Variants in TRPM3 observed in about 807,000 individuals in gnomAD.
TRPM3 encodes transient receptor potential cation channel subfamily M member 3, also known as long transient receptor potential channel 3.
TRPM3 carries 77 observed loss-of-function variants against 181.2 expected under a neutral mutation model. The observed-to-expected ratio is 0.42, with a 90% confidence interval of 0.35 to 0.51. TRPM3 has a LOEUF of 0.51. TRPM3 is among the 20% of genes least tolerant of loss of function. The pLI, the probability that TRPM3 is intolerant of heterozygous loss-of-function variation, is 0.01. For synonymous variants in TRPM3, 745 were observed against 796.4 expected (o/e 0.94, Z 1.09); for missense variants, 1,759 against 2,196.7 (o/e 0.80, Z 3.98).
At chr9:71,387,754 T>G (rs1014744651) in intron 1 of TRPM3, among the ~76,000 whole-genome samples, 1 of 152,144 alleles carries the variant, frequency 6.6e-6, no homozygotes, top group Non-Finnish European at 1.5e-5. Context: ...CATTATTAGT[T>G]AATTTTACTG....
chr9:71,241,390 G>A (rs1302923451), intron 1 of TRPM3, among the ~76,000 whole-genome samples: 2 of 150,384 alleles, frequency 1.3e-5, no homozygotes, highest in East Asian at 2.0e-4. Flanking sequence ...GCAAACTATC[G>A]CAAGGACAAA....
chr9:71,410,470 CT>C (rs1565545376), intron 1 of TRPM3, among the ~76,000 whole-genome samples: 1 of 152,096 alleles, frequency 6.6e-6, no homozygotes, highest in Non-Finnish European at 1.5e-5. Flanking sequence ...TCAGAGAATA[CT>C]ATAAACACCT....
chr9:71,424,252 T>G (rs2093825021), intron 1 of TRPM3, among the ~76,000 whole-genome samples: 1 of 152,166 alleles, frequency 6.6e-6, no homozygotes, highest in Non-Finnish European at 1.5e-5. Flanking sequence ...TGTTTACATA[T>G]AGGTCAGGAA....
intron 1 of TRPM3, among the ~76,000 whole-genome samples, chr9:71,067,094 T>C (rs931213708): frequency 2.0e-5 from 3 of 152,088 alleles, no homozygotes; most frequent in African/African-American, 7.2e-5. Flanking sequence ...ACTCCAACGA[T>C]AGGCAAGAAT....
chr9:71,331,453 C>T (rs1029215861), intron 1 of TRPM3, among the ~76,000 whole-genome samples: 6 of 151,722 alleles, frequency 4.0e-5, no homozygotes, highest in African/African-American at 1.5e-4. Context: ...ACATAGTTGC[C>T]TCATTTCTCA....
rs535269785 is a variant in TRPM3 at position 70,894,929 on chromosome 9, T to C, written c.178-30418A>G. Among the ~76,000 whole-genome samples, 12 of 152,218 alleles carry C rather than the reference T, an allele frequency of 7.9e-5. No individual in the cohort carries two copies. In the South Asian group the frequency reaches 2.1e-3, roughly 26 times the overall value. ...TTGTGAATAGAAAATGGGAAAAAAG[T>C]TTTGCCGTCAGACAACTTTGGCTTG... On this transcript the variant is annotated intron_variant, in intron 1 of 25. Coordinates refer to ENST00000677713, the MANE Select transcript of TRPM3 (RefSeq NM_001366145.2).
chr9:71,021,154 T>C (rs544523490), intron 1 of TRPM3, among the ~76,000 whole-genome samples: 1 of 152,272 alleles, frequency 6.6e-6, no homozygotes, highest in East Asian at 1.9e-4. Context: ...TCTCAATTTA[T>C]ATAAAGTTCA....
chr9:71,168,498 C>T (rs73467746), intron 1 of TRPM3, among the ~76,000 whole-genome samples: 30,705 of 131,386 alleles, frequency 0.23, 4,064 homozygotes, highest in African/African-American at 0.33. Flanking sequence ...CTTCTTTAGC[C>T]CTGACATTTT....
chr9:71,002,259 G>A (rs2097613149), intron 1 of TRPM3, among the ~76,000 whole-genome samples: 1 of 152,190 alleles, frequency 6.6e-6, no homozygotes, highest in Non-Finnish European at 1.5e-5. Flanking sequence ...CATCATGGAA[G>A]CATAACCTGA....
intron 1 of TRPM3, among the ~76,000 whole-genome samples, chr9:70,956,281 C>T (rs1420227294): frequency 7.1e-6 from 1 of 140,230 alleles, no homozygotes; most frequent in East Asian, 2.2e-4. Context: ...CTCATCTCTA[C>T]CAGGAGAAAT....
In TRPM3 at chr9:70,786,311, CAAAAAAA is replaced by C. The variant is rs71367227; in HGVS notation, c.974-2039_974-2033del. ...GAAACCCTGTCACTACTAAAAATAC[CAAAAAAA>C]AAAAAAAAAAAAAAAAATTAGCTGG... On this transcript the variant is annotated intron_variant, in intron 6 of 25. Coordinates refer to ENST00000677713, the MANE Select transcript of TRPM3 (RefSeq NM_001366145.2). Among the ~76,000 whole-genome samples the C allele has an allele frequency of 5.9e-4, 32 of 54,464 alleles. 2 individuals carry two copies. The Admixed American group carries it at 7.6e-3, about 13-fold the overall frequency. The allele number at this position is 54,464 out of a possible 152,430, so 35.7% of individuals were successfully genotyped here.
chr9:71,171,986 C>A (rs1293139687), intron 1 of TRPM3, among the ~76,000 whole-genome samples: 3 of 152,084 alleles, frequency 2.0e-5, no homozygotes, highest in African/African-American at 7.2e-5. Flanking sequence ...GCAGCATCAA[C>A]CTCCTGGGCT....
At chr9:70,974,698 C>T (rs917896188) in intron 1 of TRPM3, among the ~76,000 whole-genome samples, 4 of 151,700 alleles carry the variant, frequency 2.6e-5, no homozygotes, top group African/African-American at 4.8e-5. Context: ...GACTGCACTC[C>T]AGTCTGGGTG....
In TRPM3 at chr9:71,420,797, A is replaced by AAGAGAG. The variant is rs1267946876; in HGVS notation, c.183+25855_183+25856insCTCTCT. Among the ~76,000 whole-genome samples, 41 of 7,116 alleles carry AAGAGAG rather than the reference A, an allele frequency of 5.8e-3. 5 individuals are homozygous for AAGAGAG. The highest frequency in any genetic ancestry group is 0.015 in the African/African-American group (26 of 1,706). 4.7% of individuals were successfully genotyped at this position (7,116 alleles called of 152,430 possible). A position where few individuals can be genotyped will look rare whatever the true frequency, so the allele number is the denominator to read the frequency against. ...AGAGAAAGAGAGAGAAAGAGAGAGA[A>AAGAGAG]AGAAAGAGAGAAAGAAAGAGAGAAA... On this transcript the variant is annotated intron_variant, in intron 1 of 24. Coordinates refer to the TRPM3 transcript ENST00000357533.
chr9:70,572,453 A>T (rs1288360436), intron 22 of TRPM3, among the ~76,000 whole-genome samples: 1 of 152,176 alleles, frequency 6.6e-6, no homozygotes, highest in Admixed American at 6.5e-5. Context: ...TTAGTTTTCC[A>T]CTAAAATTCT....
upstream of TRPM3, among the ~76,000 whole-genome samples, chr9:71,125,910 A>G (rs1000641623): frequency 6.6e-5 from 10 of 152,220 alleles, no homozygotes; most frequent in African/African-American, 2.4e-4. Context: ...ACAGCAAAAG[A>G]AACTATCATC....
At chr9:71,373,395 A>G (rs1476809904) in intron 1 of TRPM3, among the ~76,000 whole-genome samples, 1 of 152,136 alleles carries the variant, frequency 6.6e-6, no homozygotes, top group Non-Finnish European at 1.5e-5. Flanking sequence ...ATTAATAAAG[A>G]ACATGAGAGA....
At chr9:70,551,929 A>AT (rs1240978648) in intron 24 of TRPM3, among the ~76,000 whole-genome samples, 2 of 152,208 alleles carry the variant, frequency 1.3e-5, no homozygotes, top group Non-Finnish European at 2.9e-5. Flanking sequence ...GAAGTTGGGC[A>AT]TTGCAAGGTC....
At chr9:70,870,166 G>A (rs2095757417) in intron 1 of TRPM3, among the ~76,000 whole-genome samples, 1 of 151,966 alleles carries the variant, frequency 6.6e-6, no homozygotes, top group East Asian at 1.9e-4. Flanking sequence ...TACGTGTCAT[G>A]TGGACACTCA....
Sources: allele counts gnomAD v4.1 joint callset (sites outside exome capture counted in the v4.1 genomes callset), GRCh38; gene constraint gnomAD v4.1.1; transcripts MANE v1.5; gene names NCBI Gene and HGNC (gene_info 2026-07-23, HGNC 2026-07-21).